Variants in CAMTA1 observed in about 807,000 individuals in gnomAD.
CAMTA1 encodes calmodulin-binding transcription activator 1.
In CAMTA1, 27 loss-of-function variants were observed where a neutral mutation model predicts 170.9. The ratio of observed to expected loss-of-function variants is 0.16; its 90% confidence interval spans 0.12 to 0.22. The LOEUF (loss-of-function observed/expected upper bound fraction) is 0.22. Among genes scored for constraint, CAMTA1 ranks in the 10% least tolerant of loss-of-function variants. CAMTA1 has a pLI of 1.00. For missense variants in CAMTA1, 1,619 were observed against 2,217.2 expected (o/e 0.73, Z 5.42); for synonymous variants, 833 against 891.5 (o/e 0.93, Z 1.17).
At chr1:7,701,711 G>A (rs1056296792) in intron 11 of CAMTA1, among the ~76,000 whole-genome samples, 1 of 152,040 alleles carries the variant, frequency 6.6e-6, no homozygotes, top group Admixed American at 6.6e-5. Context: ...GTGAGCCACC[G>A]TGCCCGGCTG....
chr1:6,926,438 CT>C (rs1683153465), intron 3 of CAMTA1, among the ~76,000 whole-genome samples: 2 of 126,088 alleles, frequency 1.6e-5, no homozygotes, highest in Non-Finnish European at 3.3e-5. Context: ...TCTTTCTTTT[CT>C]CTTTCTTTCT....
At chr1:6,997,295 A>AG (rs1473095525) in intron 3 of CAMTA1, among the ~76,000 whole-genome samples, 2 of 151,894 alleles carry the variant, frequency 1.3e-5, no homozygotes, top group Non-Finnish European at 2.9e-5. Context: ...TCAGTTTGTG[A>AG]GGGGATGCGT....
At chr1:7,200,871 A>C (rs1169974221) in intron 4 of CAMTA1, among the ~76,000 whole-genome samples, 1 of 152,226 alleles carries the variant, frequency 6.6e-6, no homozygotes. Flanking sequence ...CATCAGGCTT[A>C]AAAATTTTGA....
At chr1:6,990,952 G>A (rs1043651226) in intron 3 of CAMTA1, among the ~76,000 whole-genome samples, 3 of 151,962 alleles carry the variant, frequency 2.0e-5, no homozygotes, top group African/African-American at 7.3e-5. Context: ...CCGGAGGAGT[G>A]TATATTGTAC....
chr1:7,078,666 C>T (rs1047680347), intron 3 of CAMTA1, among the ~76,000 whole-genome samples: 2 of 152,218 alleles, frequency 1.3e-5, no homozygotes, highest in African/African-American at 4.8e-5. Flanking sequence ...CATCCTCTTG[C>T]TACAAACAAT....
intron 4 of CAMTA1, among the ~76,000 whole-genome samples, chr1:7,222,668 G>A (rs1574001328): frequency 6.6e-6 from 1 of 152,120 alleles, no homozygotes; most frequent in African/African-American, 2.4e-5. Flanking sequence ...CCTCTGCACT[G>A]CCCAGAGCTG....
intron 3 of CAMTA1, among the ~76,000 whole-genome samples, chr1:6,952,439 G>GA (rs909535753): frequency 9.9e-5 from 3 of 30,244 alleles, no homozygotes; most frequent in African/African-American, 2.7e-4. Flanking sequence ...TCAAAAAAAA[G>GA]AAAAAAAAAA....
At chr1:7,008,237 G>C (rs1469700428) in intron 3 of CAMTA1, 1 of 152,382 alleles carries the variant, frequency 6.6e-6, no homozygotes, top group East Asian at 1.9e-4. Flanking sequence ...ACACAATGCA[G>C]AGAAACAGTG....
intron 6 of CAMTA1, among the ~76,000 whole-genome samples, chr1:7,477,285 A>G (rs752574792): frequency 7.2e-5 from 11 of 152,020 alleles, no homozygotes; most frequent in Middle Eastern, 3.4e-3. Context: ...TGGAAAAGAG[A>G]GTTGAGGATG....
chr1:7,425,447 G>A (rs1318822550), intron 5 of CAMTA1, among the ~76,000 whole-genome samples: 1 of 152,142 alleles, frequency 6.6e-6, no homozygotes, highest in Non-Finnish European at 1.5e-5. Flanking sequence ...TGGCGATGGG[G>A]GCAGGAAGGA....
At chr1:7,514,823 A>G (rs2094257428) in intron 6 of CAMTA1, among the ~76,000 whole-genome samples, 1 of 152,142 alleles carries the variant, frequency 6.6e-6, no homozygotes, top group Admixed American at 6.5e-5. Flanking sequence ...TTCGGGGCCC[A>G]AGAGGCCCGC....
intron 5 of CAMTA1, among the ~76,000 whole-genome samples, chr1:7,285,329 G>C (rs898026425): frequency 9.2e-5 from 14 of 152,216 alleles, no homozygotes; most frequent in African/African-American, 3.4e-4. Context: ...TTCCAGCCAA[G>C]TCTGGGACTC....
rs569645663 is a variant in CAMTA1, at chr1:7,573,533, A to G, written c.511-66867A>G. The stretch of plus-strand genomic sequence containing the variant: ...GCTCTCACGGTGCAGGAGTCCAGAG[A>G]TGTCCAAAACCACAGCGCCAGCAGG... On this transcript the variant is annotated intron_variant, in intron 6 of 22. Coordinates refer to ENST00000303635, the MANE Select transcript of CAMTA1 (RefSeq NM_015215.4). Among the ~76,000 whole-genome samples the G allele has an allele frequency of 4.8e-4, 73 of 152,296 alleles. 1 individual carries two copies. The highest frequency in any genetic ancestry group is 1.6e-3 in the African/African-American group (67 of 41,574).
At chr1:7,380,738 A>G (rs1485724343) in intron 5 of CAMTA1, among the ~76,000 whole-genome samples, 1 of 152,202 alleles carries the variant, frequency 6.6e-6, no homozygotes, top group Non-Finnish European at 1.5e-5. Flanking sequence ...CCAAGATAAC[A>G]AACAGTCCTC....
rs529210515 is a variant in CAMTA1 at position 7,767,344 on chromosome 1, C to T, written c.*853C>T. ...ATGAGAATTACTTAAGAATTGGTAA[C>T]GCATGTAGCCTTTTTTAGTAACCTT... On this transcript the variant is annotated 3_prime_UTR_variant, in exon 23 of 23. Coordinates refer to ENST00000303635, the MANE Select transcript of CAMTA1 (RefSeq NM_015215.4). The T allele has an allele frequency of 2.0e-5, 3 of 152,808 alleles. No homozygotes were observed. The highest frequency in any genetic ancestry group is 2.4e-5 in the African/African-American group (1 of 41,536). The allele number at this position is 152,808 out of a possible 1,614,324, so 9.5% of individuals were successfully genotyped here. A position where few individuals can be genotyped will look rare whatever the true frequency, so the allele number is the denominator to read the frequency against.
intron 3 of CAMTA1, among the ~76,000 whole-genome samples, chr1:6,865,322 C>G (rs920785675): frequency 1.3e-5 from 2 of 152,306 alleles, no homozygotes; most frequent in South Asian, 4.1e-4. Flanking sequence ...CATTCATTCT[C>G]TCATTCACCA....
At chr1:7,023,933 CAGG>C (rs1452899071) in intron 3 of CAMTA1, among the ~76,000 whole-genome samples, 1 of 148,964 alleles carries the variant, frequency 6.7e-6, no homozygotes, top group Non-Finnish European at 1.5e-5. Flanking sequence ...GAGGCTGAGG[CAGG>C]AGAATTGCTT....
At chr1:7,112,369 C>T (rs1644112194) in intron 4 of CAMTA1, among the ~76,000 whole-genome samples, 1 of 152,118 alleles carries the variant, frequency 6.6e-6, no homozygotes, top group Non-Finnish European at 1.5e-5. Context: ...TCCTTGATTC[C>T]TCAAAGAGCT....
intron 12 of CAMTA1, among the ~76,000 whole-genome samples, chr1:7,734,787 G>A (rs1228754693): frequency 2.0e-5 from 3 of 152,066 alleles, no homozygotes; most frequent in Admixed American, 6.6e-5. Flanking sequence ...AAAAATCAGC[G>A]AGGAGCCATA....
Sources: gnomAD v4.1 joint callset for allele counts (sites outside exome capture counted in the v4.1 genomes callset) on GRCh38, gnomAD v4.1.1 for gene constraint, MANE v1.5 for transcripts, NCBI Gene and HGNC (gene_info 2026-07-23, HGNC 2026-07-21) for gene names.